Variants in CAST observed in about 807,000 individuals in gnomAD.
CAST encodes the protein MIR583 host.
In CAST, 76 loss-of-function variants were observed where a neutral mutation model predicts 119.6. The observed-to-expected ratio is 0.64, with a 90% CI of 0.53 to 0.77. The LOEUF is 0.77. CAST is among the 30% of genes least tolerant of loss of function. The probability of loss-of-function intolerance (pLI) is 0.00; values close to 1 mark genes in which losing one functional copy is unlikely to be tolerated. For missense variants in CAST, 953 were observed against 946.5 expected (o/e 1.01, Z -0.09); for synonymous variants, 319 against 331.6 (o/e 0.96, Z 0.41).
the CAST span, among the ~76,000 whole-genome samples, chr5:96,251,247 T>A: frequency 6.6e-6 from 1 of 152,174 alleles, no homozygotes; most frequent in Non-Finnish European, 1.5e-5. Context: ...TTCATAAGGA[T>A]GTGATTTACT....
intron 1 of CAST, among the ~76,000 whole-genome samples, chr5:96,542,259 C>T (rs924291635): frequency 1.3e-5 from 2 of 148,896 alleles, no homozygotes; most frequent in Admixed American, 6.8e-5. Flanking sequence ...TGCAGTGAGC[C>T]GAGATCGCGC....
intron 1 of CAST, among the ~76,000 whole-genome samples, chr5:96,600,689 A>G (rs903778685): frequency 1.3e-5 from 2 of 152,060 alleles, no homozygotes; most frequent in Non-Finnish European, 2.9e-5. Context: ...CTTTCTGCAT[A>G]TCCTAATCCT....
the CAST span, among the ~76,000 whole-genome samples, chr5:96,317,343 G>T: frequency 1.3e-5 from 2 of 150,910 alleles, no homozygotes; most frequent in African/African-American, 4.9e-5. Context: ...TGGGCATGGT[G>T]GTGCACTCCT....
chr5:96,412,219 C>T, the CAST span: 2 of 1,060,990 alleles, frequency 1.9e-6, no homozygotes, highest in Non-Finnish European at 2.9e-6. Context: ...TTAAGAAATC[C>T]ACAACAATGT....
the CAST span, among the ~76,000 whole-genome samples, chr5:96,361,631 C>T: frequency 6.6e-6 from 1 of 152,038 alleles, no homozygotes; most frequent in Admixed American, 6.6e-5. Context: ...GATGCCCCAC[C>T]CTGCTTCAGC....
At chr5:96,175,490 G>T in the CAST span, among the ~76,000 whole-genome samples, 2 of 152,164 alleles carry the variant, frequency 1.3e-5, no homozygotes, top group African/African-American at 2.4e-5. Flanking sequence ...TTAGTATGGA[G>T]AATTGAAAAT....
chr5:96,044,666 T>C, the CAST span, among the ~76,000 whole-genome samples: 2 of 152,196 alleles, frequency 1.3e-5, no homozygotes, highest in Admixed American at 6.5e-5. Flanking sequence ...AGAATATTCA[T>C]AGTAGCACCA....
the CAST span, among the ~76,000 whole-genome samples, chr5:96,098,304 GT>G: frequency 6.6e-6 from 1 of 152,004 alleles, no homozygotes; most frequent in Non-Finnish European, 1.5e-5. Flanking sequence ...AGTTTCTTTT[GT>G]GCAGAAGCTC....
In CAST at chr5:96,767,457, C is replaced by G. The variant is rs1770399518; in HGVS notation, c.2150C>G (p.Pro717Arg). Residue 717 changes from proline (P) to arginine (R), a missense_variant, in exon 28 of 32, where the codon CCT (proline) becomes CGT (arginine). Physicochemically the swap from Pro to Arg is moderately radical, Grantham distance 103. Coordinates refer to ENST00000675179, the MANE Select transcript of CAST (RefSeq NM_001750.7). ...TTTAAGGACAAACCAGTGAAGCCAC[C>G]TACAAAGAAATCAGAGGATTCAAAG... ...DNGQDKPVKP[P>R]TKKSEDSKKP... is the part of the protein sequence containing the mutation. The G allele has an allele frequency of 6.2e-7, 1 of 1,612,712 alleles. No homozygotes were observed. Among genetic ancestry groups the G allele is most frequent in the African/African-American group, 1.3e-5 (1 of 74,872 alleles).
chr5:96,658,080 C>T (rs1748188070), upstream of CAST, among the ~76,000 whole-genome samples: 1 of 151,870 alleles, frequency 6.6e-6, no homozygotes, highest in Non-Finnish European at 1.5e-5. Context: ...GCCTGGACAA[C>T]AGAGCGAGAG....
At chr5:96,392,164 C>T in the CAST span, 2 of 145,306 alleles carry the variant, frequency 1.4e-5, no homozygotes, top group Non-Finnish European at 3.0e-5. Flanking sequence ...TTGCCAAGTC[C>T]CAAGTGTAAG....
intron 6 of CAST, 22 bp from the exon 7 acceptor site, chr5:96,729,131 T>C: frequency 6.7e-7 from 1 of 1,492,918 alleles, no homozygotes. Context: ...TGTAATCAAG[T>C]TTAATCTTTT....
upstream of CAST, among the ~76,000 whole-genome samples, chr5:96,524,359 G>A (rs1265736232): frequency 2.0e-5 from 3 of 152,218 alleles, no homozygotes; most frequent in Admixed American, 2.0e-4. Context: ...TGAAGTATCT[G>A]AAAGTGGAAG....
the CAST span, among the ~76,000 whole-genome samples, chr5:96,026,482 A>G: frequency 6.6e-6 from 1 of 152,232 alleles, no homozygotes; most frequent in East Asian, 1.9e-4. Context: ...GCACTCTGTC[A>G]TGAAGCTTTC....
chr5:96,718,387 A>T (rs1414872596), intron 3 of CAST, among the ~76,000 whole-genome samples: 2 of 152,256 alleles, frequency 1.3e-5, no homozygotes, highest in East Asian at 3.9e-4. Context: ...CTGACTATTA[A>T]AGAACACTGG....
chr5:95,997,219 G>A, the CAST span, among the ~76,000 whole-genome samples: 1 of 152,080 alleles, frequency 6.6e-6, no homozygotes, highest in African/African-American at 2.4e-5. Flanking sequence ...TTTACCAGGG[G>A]AAACTGTGCC....
the CAST span, among the ~76,000 whole-genome samples, chr5:96,367,746 G>A: frequency 6.6e-6 from 1 of 152,032 alleles, no homozygotes; most frequent in African/African-American, 2.4e-5. Flanking sequence ...GCTAGGAAAG[G>A]GAATTCCCTC....
the CAST span, among the ~76,000 whole-genome samples, chr5:96,500,060 G>A: frequency 2.0e-5 from 3 of 152,044 alleles, no homozygotes; most frequent in Non-Finnish European, 2.9e-5. Flanking sequence ...TAAGTTCGCC[G>A]CCTCATATGG....
the CAST span, among the ~76,000 whole-genome samples, chr5:95,967,431 A>ATAC: frequency 6.6e-6 from 1 of 151,566 alleles, no homozygotes; most frequent in Admixed American, 6.6e-5. Flanking sequence ...TAAATAAATA[A>ATAC]ATAAATAAAT....
Sources: allele counts gnomAD v4.1 joint callset (sites outside exome capture counted in the v4.1 genomes callset), GRCh38; gene constraint gnomAD v4.1.1; transcripts MANE v1.5; gene names NCBI Gene and HGNC (gene_info 2026-07-23, HGNC 2026-07-21).